SPAG16: variants seen among roughly 807,000 people sequenced by gnomAD.
SPAG16 encodes sperm-associated antigen 16 protein.
In SPAG16, 86 loss-of-function variants were observed where a neutral mutation model predicts 80.4. The ratio of observed to expected loss-of-function variants is 1.07; its 90% CI spans 0.90 to 1.28. SPAG16 has a LOEUF of 1.28. Ranked by LOEUF, SPAG16 falls within the 50% of genes most tolerant of loss-of-function variation. The pLI is 0.00. For synonymous variants in SPAG16, 294 were observed against 265.9 expected (o/e 1.11, Z -1.03); for missense variants, 870 against 765.3 (o/e 1.14, Z -1.61).
intron 13 of SPAG16, among the ~76,000 whole-genome samples, chr2:214,083,354 T>A (rs997915695): frequency 6.6e-6 from 1 of 152,150 alleles, no homozygotes; most frequent in Non-Finnish European, 1.5e-5. Flanking sequence ...TCTCCTGAGT[T>A]AAGGAGGCAG....
At chr2:213,617,131 G>A (rs2061623910) in intron 10 of SPAG16, among the ~76,000 whole-genome samples, 1 of 152,142 alleles carries the variant, frequency 6.6e-6, no homozygotes, top group Admixed American at 6.5e-5. Flanking sequence ...TTAATACTGA[G>A]TAGTCCAAAC....
At chr2:214,082,446 T>C (rs754048354) in intron 13 of SPAG16, among the ~76,000 whole-genome samples, 101 of 152,336 alleles carry the variant, frequency 6.6e-4, no homozygotes, top group Non-Finnish European at 1.3e-3. Context: ...TTAGTTATAC[T>C]GCCATTTTTA....
intron 15 of SPAG16, among the ~76,000 whole-genome samples, chr2:214,248,508 G>A (rs780527799): frequency 2.6e-5 from 4 of 151,722 alleles, no homozygotes; most frequent in Non-Finnish European, 4.4e-5. Flanking sequence ...TAGTAGAGAC[G>A]GGATTTCACC....
At chr2:213,831,965 G>A (rs1222920810) in intron 10 of SPAG16, among the ~76,000 whole-genome samples, 1 of 151,874 alleles carries the variant, frequency 6.6e-6, no homozygotes, top group African/African-American at 2.4e-5. Flanking sequence ...TATTGCCTCT[G>A]AAAAGGAAAT....
In SPAG16 at chr2:213,798,017, C is replaced by T. The variant is rs902855831; in HGVS notation, c.1071-64468C>T. ...TTGATTATATTTCAATAGATGTGAA[C>T]GGGGCATGGCATTGTGGCCATTACT... On this transcript the variant is annotated intron_variant, in intron 10 of 15. Coordinates refer to ENST00000331683, the MANE Select transcript of SPAG16 (RefSeq NM_024532.5). Among the ~76,000 whole-genome samples the T allele has an allele frequency of 3.9e-5, 6 of 152,160 alleles. 1 individual carries two copies. The South Asian group carries it at 8.3e-4, about 21-fold the overall frequency.
intron 10 of SPAG16, among the ~76,000 whole-genome samples, chr2:213,677,141 C>T (rs187504639): frequency 1.8e-4 from 28 of 151,996 alleles, no homozygotes; most frequent in Admixed American, 6.6e-4. Flanking sequence ...AAGGAACAAC[C>T]GGTACCAGCC....
intron 10 of SPAG16, among the ~76,000 whole-genome samples, chr2:213,689,124 T>G (rs1220124837): frequency 2.0e-5 from 3 of 152,142 alleles, no homozygotes; most frequent in Admixed American, 2.0e-4. Context: ...GGTGCCTGGT[T>G]AGTGTTTGTA....
chr2:214,326,824 G>C, intron 15 of SPAG16, among the ~76,000 whole-genome samples: 1 of 151,362 alleles, frequency 6.6e-6, no homozygotes, highest in Non-Finnish European at 1.5e-5. Context: ...GGGCGCCTGT[G>C]GTCCCAGCTA....
intron 15 of SPAG16, among the ~76,000 whole-genome samples, chr2:214,312,299 T>C (rs1279368651): frequency 2.6e-5 from 4 of 152,222 alleles, no homozygotes; most frequent in Non-Finnish European, 5.9e-5. Context: ...ATCTCTCAGT[T>C]TATGCACTTG....
intron 12 of SPAG16, among the ~76,000 whole-genome samples, chr2:214,009,176 G>A (rs549220509): frequency 3.3e-5 from 5 of 152,172 alleles, no homozygotes; most frequent in African/African-American, 1.2e-4. Flanking sequence ...AAAATTCATG[G>A]TGAATCCTCA....
chr2:213,520,312 C>G (rs916895885), intron 10 of SPAG16, among the ~76,000 whole-genome samples: 1 of 152,020 alleles, frequency 6.6e-6, no homozygotes, highest in Non-Finnish European at 1.5e-5. Flanking sequence ...CTTGGCCAAG[C>G]GTGGTGGCTC....
At chr2:214,082,131 C>T (rs1047971779) in intron 13 of SPAG16, among the ~76,000 whole-genome samples, 10 of 152,160 alleles carry the variant, frequency 6.6e-5, no homozygotes, top group African/African-American at 2.4e-4. Flanking sequence ...TTGGATACCT[C>T]TGCCATGTCC....
At chr2:213,718,875 G>A (rs2066378437) in intron 10 of SPAG16, among the ~76,000 whole-genome samples, 1 of 152,186 alleles carries the variant, frequency 6.6e-6, no homozygotes, top group South Asian at 2.1e-4. Context: ...TGAGGAATGC[G>A]AGCACACGGC....
intron 15 of SPAG16, among the ~76,000 whole-genome samples, chr2:214,230,341 C>A (rs1320125190): frequency 6.6e-6 from 1 of 151,856 alleles, no homozygotes; most frequent in Admixed American, 6.6e-5. Context: ...ATGCTCATTT[C>A]TAGAAAAACC....
rs759851188 is a variant in SPAG16 at position 214,410,217 on chromosome 2, A to T, written c.1798A>T (p.Met600Leu). 4 of 1,613,678 alleles carry T rather than the reference A, an allele frequency of 2.5e-6. No individual in the cohort carries two copies. The Admixed American group carries it at 5.0e-5, about 20-fold the overall frequency. Residue 600 changes from methionine (M) to leucine (L), a missense_variant, in exon 16 of 16, where the codon ATG becomes TTG. Transcript: ENST00000331683. ...DLKSGEIHKLMGHENEAHTVV... is the reference protein window; with the variant it reads ...DLKSGEIHKLLGHENEAHTVV... ...TAAATCTGGGGAGATTCACAAATTG[A>T]TGGGCCACGAAAACGAGGCACACAC...
At chr2:213,977,441 C>G (rs1472001710) in intron 12 of SPAG16, among the ~76,000 whole-genome samples, 2 of 151,926 alleles carry the variant, frequency 1.3e-5, no homozygotes, top group Non-Finnish European at 2.9e-5. Context: ...TACTGCCCCC[C>G]CCATACCCAA....
chr2:213,524,683 A>G (rs914536302), intron 10 of SPAG16, among the ~76,000 whole-genome samples: 1 of 152,248 alleles, frequency 6.6e-6, no homozygotes, highest in African/African-American at 2.4e-5. Context: ...TCGGACTTGC[A>G]TGGGGCATGT....
chr2:214,284,197 A>G (rs777568244), intron 15 of SPAG16, among the ~76,000 whole-genome samples: 18 of 152,342 alleles, frequency 1.2e-4, no homozygotes, highest in Admixed American at 7.8e-4. Flanking sequence ...GAGAAAAAAC[A>G]CAAAGATTAT....
intron 15 of SPAG16, among the ~76,000 whole-genome samples, chr2:214,299,782 A>T (rs149171052): frequency 1.3e-5 from 2 of 152,280 alleles, no homozygotes; most frequent in Admixed American, 6.5e-5. Flanking sequence ...AGATTACTCA[A>T]GTCAATGATT....
Sources: allele counts gnomAD v4.1 joint callset (sites outside exome capture counted in the v4.1 genomes callset), GRCh38; gene constraint gnomAD v4.1.1; transcripts MANE v1.5; gene names NCBI Gene and HGNC (gene_info 2026-07-23, HGNC 2026-07-21).